Variants in IGSF11 observed in about 807,000 individuals in gnomAD.
The protein encoded by IGSF11 is immunoglobulin superfamily member 11, also known as CXADR like 1.
A neutral mutation model predicts 41.0 loss-of-function variants in IGSF11; 22 were observed. That is an observed-to-expected ratio of 0.54 (90% CI 0.38 to 0.77). IGSF11 has a LOEUF of 0.77. Among genes scored for constraint, IGSF11 ranks in the 30% least tolerant of loss-of-function variants. The pLI is 0.00. For synonymous variants in IGSF11, 219 were observed against 201.3 expected (o/e 1.09, Z -0.74); for missense variants, 444 against 530.8 (o/e 0.84, Z 1.61).
At chr3:119,119,136 T>G (rs1246285677) in intron 1 of IGSF11, among the ~76,000 whole-genome samples, 2 of 152,224 alleles carry the variant, frequency 1.3e-5, no homozygotes, top group South Asian at 2.1e-4. Flanking sequence ...TCCAAATTTT[T>G]GGGTATCTTT....
chr3:119,141,595 T>C (rs1190699577), intron 1 of IGSF11, among the ~76,000 whole-genome samples: 1 of 149,460 alleles, frequency 6.7e-6, no homozygotes, highest in African/African-American at 2.4e-5. Context: ...CATTACAATA[T>C]AGATTATCTA....
At chr3:118,954,266 G>A (rs1169187452) in intron 1 of IGSF11, among the ~76,000 whole-genome samples, 1 of 152,046 alleles carries the variant, frequency 6.6e-6, no homozygotes, top group Admixed American at 6.6e-5. Context: ...TGGTCCATGT[G>A]CCTATTTTTA....
intron 1 of IGSF11, among the ~76,000 whole-genome samples, chr3:119,060,913 C>A (rs1176424862): frequency 2.0e-5 from 3 of 152,150 alleles, no homozygotes; most frequent in South Asian, 2.1e-4. Context: ...ATAACCCACT[C>A]TTTAAAAATT....
At position 119,013,702 on chromosome 3, in the gene IGSF11, T is replaced by G. The variant is rs1370327215; in HGVS notation, c.52+20829A>C. On this transcript the variant is annotated intron_variant, in intron 1 of 6. Coordinates refer to ENST00000393775, the MANE Select transcript of IGSF11 (RefSeq NM_001015887.3). ...TTATAAAAACAAAGAACTTTGTAAC[T>G]TAACAACAAAAGATACGTTAGAGAC... 2.6e-5 allele frequency among the ~76,000 whole-genome samples: 4 copies of G among 152,226 alleles called. No homozygotes were observed. In the East Asian group the frequency reaches 7.7e-4, roughly 29 times the overall value.
At chr3:118,923,485 T>A (rs2107520823) in intron 4 of IGSF11, among the ~76,000 whole-genome samples, 1 of 152,342 alleles carries the variant, frequency 6.6e-6, no homozygotes, top group African/African-American at 2.4e-5. Context: ...AATCTATAGT[T>A]TATATTGTTT....
chr3:119,063,615 G>C (rs1160004089), intron 1 of IGSF11, among the ~76,000 whole-genome samples: 1 of 152,190 alleles, frequency 6.6e-6, no homozygotes, highest in Non-Finnish European at 1.5e-5. Context: ...CAAGATAGGG[G>C]ACGTCTTACT....
intron 1 of IGSF11, among the ~76,000 whole-genome samples, chr3:119,094,302 C>CA (rs1203757916): frequency 8.0e-5 from 10 of 125,394 alleles, no homozygotes; most frequent in Non-Finnish European, 1.7e-4. Context: ...GTTGTTGTAC[C>CA]AAAAAATGAG....
At chr3:119,072,427 G>A (rs2076414699) in intron 1 of IGSF11, among the ~76,000 whole-genome samples, 1 of 152,160 alleles carries the variant, frequency 6.6e-6, no homozygotes, top group Non-Finnish European at 1.5e-5. Context: ...GTCCAGAATT[G>A]GTGGGTTCTT....
Position 119,009,809 on chromosome 3 carries a change from T to C in IGSF11, c.52+24722A>G, listed in dbSNP as rs190889108. Reference sequence around the variant, plus strand: ...ATTTATTCCTGTTTTGTCATGCTACTTTCAACTACCATACAAATTGGGAAA... The same window carrying C: ...ATTTATTCCTGTTTTGTCATGCTACCTTCAACTACCATACAAATTGGGAAA... On this transcript the variant is annotated intron_variant, in intron 1 of 6. Transcript: ENST00000393775. Among the ~76,000 whole-genome samples the C allele has an allele frequency of 5.3e-5, 8 of 152,328 alleles. No homozygotes were observed. The East Asian group carries it at 1.5e-3, about 29-fold the overall frequency.
At chr3:119,145,261 C>G (rs532477539) in intron 1 of IGSF11, among the ~76,000 whole-genome samples, 54 of 152,290 alleles carry the variant, frequency 3.5e-4, no homozygotes, top group Non-Finnish European at 5.4e-4. Context: ...CTTGGCCTGC[C>G]TCAGTGATTT....
intron 1 of IGSF11, among the ~76,000 whole-genome samples, chr3:119,050,144 C>G (rs893576861): frequency 2.7e-5 from 4 of 150,602 alleles, no homozygotes; most frequent in African/African-American, 9.7e-5. Flanking sequence ...CCAAAATTGA[C>G]AAATGGGACC....
At chr3:118,996,820 C>T (rs1576588822) in intron 1 of IGSF11, among the ~76,000 whole-genome samples, 2 of 151,922 alleles carry the variant, frequency 1.3e-5, no homozygotes, top group Non-Finnish European at 2.9e-5. Context: ...AGGGTGATCT[C>T]GATCTCCTGA....
At chr3:119,004,101 T>A (rs1297572291) in intron 1 of IGSF11, among the ~76,000 whole-genome samples, 1 of 149,800 alleles carries the variant, frequency 6.7e-6, no homozygotes, top group Non-Finnish European at 1.5e-5. Flanking sequence ...CCTGGACTCT[T>A]TTTGGTTGGT....
chr3:119,021,280 T>C (rs1939258925), intron 1 of IGSF11, among the ~76,000 whole-genome samples: 1 of 152,074 alleles, frequency 6.6e-6, no homozygotes, highest in Admixed American at 6.5e-5. Context: ...ATCATGAGAT[T>C]AAAAAACTTA....
At chr3:119,084,104 A>G (rs752726601) in intron 1 of IGSF11, among the ~76,000 whole-genome samples, 1 of 152,134 alleles carries the variant, frequency 6.6e-6, no homozygotes, top group African/African-American at 2.4e-5. Flanking sequence ...AAAGTATAAA[A>G]ATAGAGGAGG....
intron 1 of IGSF11, among the ~76,000 whole-genome samples, chr3:119,086,889 A>T (rs1246587455): frequency 6.6e-6 from 1 of 152,218 alleles, no homozygotes; most frequent in Non-Finnish European, 1.5e-5. Context: ...GACAGGATCA[A>T]AACCACACAT....
intron 3 of IGSF11, 48 bp downstream of exon 3, chr3:118,928,461 A>G (rs1464401863): frequency 1.4e-5 from 20 of 1,445,714 alleles, no homozygotes; most frequent in Non-Finnish European, 1.9e-5. Context: ...GCTTGAGAGT[A>G]GCTTCGTGAG....
At chr3:119,049,643 A>C (rs1290804840) in intron 1 of IGSF11, among the ~76,000 whole-genome samples, 1 of 152,132 alleles carries the variant, frequency 6.6e-6, no homozygotes, top group East Asian at 1.9e-4. Flanking sequence ...AATTGGAAAA[A>C]ACTACTTTAA....
intron 4 of IGSF11, among the ~76,000 whole-genome samples, chr3:118,909,087 C>T (rs953224684): frequency 2.0e-5 from 3 of 151,930 alleles, no homozygotes; most frequent in African/African-American, 7.3e-5. Flanking sequence ...TATATTTTTC[C>T]GAATCATAAA....
Sources: allele counts gnomAD v4.1 joint callset (sites outside exome capture counted in the v4.1 genomes callset), GRCh38; gene constraint gnomAD v4.1.1; transcripts MANE v1.5; gene names NCBI Gene and HGNC (gene_info 2026-07-23, HGNC 2026-07-21).